COL10A1: variants seen among roughly 807,000 people sequenced by gnomAD.
COL10A1 encodes collagen type X alpha 1 chain.
Under a neutral mutation model 18.2 loss-of-function variants are expected in COL10A1, and 10 were observed. The observed-to-expected ratio is 0.55, with a 90% CI of 0.34 to 0.93. The LOEUF (loss-of-function observed/expected upper bound fraction) is 0.93. COL10A1 is among the 40% of genes least tolerant of loss of function. The pLI is 0.02. For synonymous variants in COL10A1, 330 were observed against 316.6 expected, an observed-to-expected ratio of 1.04 and a Z score of -0.45; for missense variants, 897 against 853.5, an observed-to-expected ratio of 1.05 and a Z score of -0.64.
chr6:116,143,726 G>A (rs910739756), intron 1 of COL10A1, among the ~76,000 whole-genome samples: 10 of 152,088 alleles, frequency 6.6e-5, no homozygotes, highest in Admixed American at 1.3e-4. Flanking sequence ...TTAAAGATAA[G>A]TGATTGTTTT....
At chr6:116,143,692 A>G (rs1294984357) in intron 1 of COL10A1, among the ~76,000 whole-genome samples, 2 of 152,010 alleles carry the variant, frequency 1.3e-5, no homozygotes, top group African/African-American at 4.8e-5. Flanking sequence ...TTTGTTTTGC[A>G]TTTTGGGTGT....
chr6:116,136,683 T>C (rs1779613543), intron 1 of COL10A1, among the ~76,000 whole-genome samples: 1 of 152,198 alleles, frequency 6.6e-6, no homozygotes, highest in South Asian at 2.1e-4. Flanking sequence ...ATCTTTCATA[T>C]TAATAAACAG....
intron 1 of COL10A1, among the ~76,000 whole-genome samples, chr6:116,140,278 A>G (rs1473247660): frequency 6.6e-6 from 1 of 152,144 alleles, no homozygotes; most frequent in East Asian, 1.9e-4. Flanking sequence ...ACTAGCTGAA[A>G]TGCCGTGGTA....
At chr6:116,165,469 C>T in the COL10A1 span, among the ~76,000 whole-genome samples, 2 of 152,166 alleles carry the variant, frequency 1.3e-5, no homozygotes, top group South Asian at 2.1e-4. Flanking sequence ...TCAGGAATAC[C>T]TATAAATTAT....
chr6:116,128,062 A>C (rs1779368241), upstream of COL10A1, among the ~76,000 whole-genome samples: 2 of 152,130 alleles, frequency 1.3e-5, no homozygotes, highest in Admixed American at 6.5e-5. Flanking sequence ...ACTTGGCTCC[A>C]GTTAGTACTT....
the COL10A1 span, among the ~76,000 whole-genome samples, chr6:116,197,398 T>TA: frequency 9.5e-4 from 145 of 152,108 alleles, 2 homozygotes; most frequent in African/African-American, 3.3e-3. Flanking sequence ...TTGTCTGATT[T>TA]AAAATGCTAA....
At chr6:116,176,807 C>A in the COL10A1 span, among the ~76,000 whole-genome samples, 1 of 152,120 alleles carries the variant, frequency 6.6e-6, no homozygotes, top group Non-Finnish European at 1.5e-5. Context: ...GTTGTTCCCC[C>A]TAGAGGGACA....
In COL10A1 at chr6:116,145,318, A is replaced by G. The variant is rs555566343; in HGVS notation, c.-16+13296T>C. 34 of 217,706 alleles carry G rather than the reference A, an allele frequency of 1.6e-4. 1 individual carries two copies. Among genetic ancestry groups the G allele is most frequent in the Non-Finnish European group, 3.0e-4 (29 of 96,454 alleles). The allele number at this position is 217,706 out of a possible 1,614,324, so 13.5% of individuals were successfully genotyped here. Reference sequence around the variant, plus strand: ...CCCTTATCATACGTTTTGTCAGAGCATAAGATCTGAGTTCAGTAACTCTAT... The same window carrying G: ...CCCTTATCATACGTTTTGTCAGAGCGTAAGATCTGAGTTCAGTAACTCTAT... On this transcript the variant is annotated intron_variant, in intron 1 of 1. Transcript: ENST00000418500.
the COL10A1 span, among the ~76,000 whole-genome samples, chr6:116,200,703 G>C: frequency 1.3e-5 from 2 of 151,880 alleles, no homozygotes; most frequent in African/African-American, 4.8e-5. Flanking sequence ...CTCTCTCTGG[G>C]TGATATTTAA....
the COL10A1 span, among the ~76,000 whole-genome samples, chr6:116,188,537 G>A: frequency 6.6e-6 from 1 of 151,966 alleles, no homozygotes; most frequent in East Asian, 1.9e-4. Flanking sequence ...AGTAATACAG[G>A]ATATACATAT....
At chr6:116,177,437 T>C in the COL10A1 span, among the ~76,000 whole-genome samples, 2 of 152,176 alleles carry the variant, frequency 1.3e-5, no homozygotes, top group Admixed American at 1.3e-4. Flanking sequence ...TCCATCTGTT[T>C]CATTGCAAAA....
intron 1 of COL10A1, among the ~76,000 whole-genome samples, chr6:116,149,232 T>C (rs1459814797): frequency 6.6e-6 from 1 of 152,212 alleles, no homozygotes; most frequent in Non-Finnish European, 1.5e-5. Context: ...ACAATTTAAG[T>C]TACTAGGTGA....
upstream of COL10A1, among the ~76,000 whole-genome samples, chr6:116,129,990 TA>T (rs1247113556): frequency 6.6e-6 from 1 of 152,198 alleles, no homozygotes; most frequent in Non-Finnish European, 1.5e-5. Flanking sequence ...AGTGGTATGA[TA>T]TACTTCTGTT....
the COL10A1 span, among the ~76,000 whole-genome samples, chr6:116,185,550 G>A: frequency 6.6e-6 from 1 of 152,066 alleles, no homozygotes; most frequent in Non-Finnish European, 1.5e-5. Context: ...GAGCTCTACT[G>A]TTGGGTGCGT....
At chr6:116,123,298 T>C (rs1779191339) in intron 2 of COL10A1, among the ~76,000 whole-genome samples, 1 of 152,240 alleles carries the variant, frequency 6.6e-6, no homozygotes, top group South Asian at 2.1e-4. Flanking sequence ...GTTGTCCTAA[T>C]GGGTCTCAAC....
upstream of COL10A1, among the ~76,000 whole-genome samples, chr6:116,160,770 C>G (rs1015416403): frequency 4.6e-5 from 7 of 152,112 alleles, no homozygotes; most frequent in African/African-American, 1.7e-4. Context: ...TACATTGAAG[C>G]CTTTAATCTA....
At chr6:116,173,894 G>A in the COL10A1 span, among the ~76,000 whole-genome samples, 5 of 152,078 alleles carry the variant, frequency 3.3e-5, no homozygotes, top group Admixed American at 1.3e-4. Flanking sequence ...TTATACTAAT[G>A]TCCTTTTCCT....
At chr6:116,155,804 A>G (rs1780177128) in intron 1 of COL10A1, among the ~76,000 whole-genome samples, 1 of 151,860 alleles carries the variant, frequency 6.6e-6, no homozygotes, top group African/African-American at 2.4e-5. Context: ...ACTGAAATGG[A>G]AACATTTCCA....
At chr6:116,198,673 G>A in the COL10A1 span, among the ~76,000 whole-genome samples, 1 of 151,960 alleles carries the variant, frequency 6.6e-6, no homozygotes, top group Non-Finnish European at 1.5e-5. Flanking sequence ...AGTTACCTAT[G>A]AGCTACGATC....
Sources: allele counts gnomAD v4.1 joint callset (sites outside exome capture counted in the v4.1 genomes callset), GRCh38; gene constraint gnomAD v4.1.1; transcripts MANE v1.5; gene names NCBI Gene and HGNC (gene_info 2026-07-23, HGNC 2026-07-21).